CELF2: variants seen among roughly 807,000 people sequenced by gnomAD.
CELF2 encodes the protein CUG triplet repeat RNA-binding protein 2.
In CELF2, 8 loss-of-function variants were observed where a neutral mutation model predicts 62.6. The observed-to-expected ratio is 0.13, with a 90% CI of 0.07 to 0.23. The LOEUF is 0.23. CELF2 is among the 10% of genes least tolerant of loss of function. CELF2 has a pLI of 1.00. For synonymous variants in CELF2, 258 were observed against 250.0 expected (o/e 1.03, Z -0.30); for missense variants, 333 against 671.0 (o/e 0.50, Z 5.56).
At chr10:10,705,366 T>TAAA in the CELF2 span, among the ~76,000 whole-genome samples, 1,675 of 134,000 alleles carry the variant, frequency 0.013, 36 homozygotes, top group African/African-American at 0.028. Context: ...CCTTCCCTAT[T>TAAA]AAAAAAAAAA....
chr10:10,737,494 A>C, the CELF2 span, among the ~76,000 whole-genome samples: 1 of 152,050 alleles, frequency 6.6e-6, no homozygotes, highest in Non-Finnish European at 1.5e-5. Flanking sequence ...GGGAGTTATG[A>C]CTTTCCTCTC....
the CELF2 span, among the ~76,000 whole-genome samples, chr10:10,659,553 G>A: frequency 3.3e-5 from 5 of 152,172 alleles, no homozygotes; most frequent in Admixed American, 6.5e-5. Flanking sequence ...TCCATCTTGG[G>A]CATTGGTGAA....
chr10:10,634,554 A>C, the CELF2 span, among the ~76,000 whole-genome samples: 1 of 152,272 alleles, frequency 6.6e-6, no homozygotes, highest in East Asian at 1.9e-4. Context: ...TACAGTGCAA[A>C]TATTCCTTTG....
At chr10:10,764,395 T>A in the CELF2 span, among the ~76,000 whole-genome samples, 6 of 152,184 alleles carry the variant, frequency 3.9e-5, no homozygotes, top group Non-Finnish European at 8.8e-5. Flanking sequence ...CTAACCTGAG[T>A]TTCCACGTGC....
rs562051706 is a variant in CELF2 at position 10,987,303 on chromosome 10, G to A, written c.89+67304G>A. 2.1e-4 allele frequency among the ~76,000 whole-genome samples: 32 copies of A among 150,372 alleles called. No individual in the cohort carries two copies. The South Asian group carries it at 5.1e-3, about 24-fold the overall frequency. On this transcript the variant is annotated intron_variant, in intron 2 of 13. Coordinates refer to the CELF2 transcript ENST00000636488. ...CATTGCTCTAAAACCTCACTAATTCGGAACAGTTTTTTTCCTAAAATTGGA... is the reference window on the plus strand; with the variant it reads ...CATTGCTCTAAAACCTCACTAATTCAGAACAGTTTTTTTCCTAAAATTGGA...
At chr10:11,197,070 G>GGAAAGAAA (rs1268879099) in intron 2 of CELF2, among the ~76,000 whole-genome samples, 3 of 78,148 alleles carry the variant, frequency 3.8e-5, no homozygotes, top group African/African-American at 1.7e-4. Flanking sequence ...AAGAAAGAAA[G>GGAAAGAAA]GAAAGAAAGA....
chr10:10,477,909 C>G, the CELF2 span, among the ~76,000 whole-genome samples: 4 of 152,126 alleles, frequency 2.6e-5, no homozygotes, highest in East Asian at 7.7e-4. Flanking sequence ...AAATGGATCC[C>G]TCATATAATG....
At chr10:10,850,668 A>G (rs1412701485) in intron 1 of CELF2, among the ~76,000 whole-genome samples, 1 of 152,228 alleles carries the variant, frequency 6.6e-6, no homozygotes, top group East Asian at 1.9e-4. Context: ...TTTATTGATC[A>G]CACCTTACAT....
At chr10:11,071,501 G>C (rs1248743548) in intron 1 of CELF2, 1 of 152,180 alleles carries the variant, frequency 6.6e-6, no homozygotes, top group African/African-American at 2.4e-5. Flanking sequence ...TCGACACAAA[G>C]ATAACATCGC....
At chr10:10,468,041 A>G in the CELF2 span, among the ~76,000 whole-genome samples, 5 of 152,034 alleles carry the variant, frequency 3.3e-5, no homozygotes, top group Admixed American at 1.3e-4. Flanking sequence ...TGTCCTTTAA[A>G]TAATTTTTAG....
chr10:10,982,407 A>G (rs1332268010), intron 2 of CELF2, among the ~76,000 whole-genome samples: 1 of 152,248 alleles, frequency 6.6e-6, no homozygotes, highest in Non-Finnish European at 1.5e-5. Context: ...AACCGACAAA[A>G]GAAAACTAGC....
chr10:11,166,603 G>C (rs892362814), intron 2 of CELF2, among the ~76,000 whole-genome samples: 10 of 152,074 alleles, frequency 6.6e-5, no homozygotes, highest in Non-Finnish European at 1.2e-4. Flanking sequence ...CTCTACTGAG[G>C]AGTCCTCTCT....
chr10:10,504,531 A>C, the CELF2 span, among the ~76,000 whole-genome samples: 103,297 of 151,970 alleles, frequency 0.68, 36,556 homozygotes, highest in East Asian at 0.92. Flanking sequence ...GTGCCTTGGC[A>C]GAAATTTATT....
chr10:10,743,183 A>G, the CELF2 span, among the ~76,000 whole-genome samples: 1 of 152,184 alleles, frequency 6.6e-6, no homozygotes. Context: ...TTTTTATCCA[A>G]AAGAAAGTCC....
chr10:10,950,571 G>A (rs566633219), intron 2 of CELF2, among the ~76,000 whole-genome samples: 2 of 152,310 alleles, frequency 1.3e-5, no homozygotes, highest in South Asian at 4.2e-4. Context: ...GGGACATATA[G>A]AAGAATGGCA....
At chr10:10,919,656 T>C (rs2064697933) in intron 1 of CELF2, among the ~76,000 whole-genome samples, 1 of 152,258 alleles carries the variant, frequency 6.6e-6, no homozygotes, top group South Asian at 2.1e-4. Flanking sequence ...TTTGTTTCTC[T>C]TTCTATTATC....
chr10:10,977,211 G>A (rs562969638), intron 2 of CELF2, among the ~76,000 whole-genome samples: 2 of 152,344 alleles, frequency 1.3e-5, no homozygotes, highest in African/African-American at 4.8e-5. Context: ...TTTTGGAAAA[G>A]TGAGGGGAAC....
chr10:10,598,113 C>G, the CELF2 span, among the ~76,000 whole-genome samples: 1 of 151,948 alleles, frequency 6.6e-6, no homozygotes, highest in African/African-American at 2.4e-5. Flanking sequence ...AAATGGTGTC[C>G]AGAGAGAGTT....
At chr10:11,273,501 G>A (rs1012588153) in intron 7 of CELF2, among the ~76,000 whole-genome samples, 4 of 152,084 alleles carry the variant, frequency 2.6e-5, no homozygotes, top group Non-Finnish European at 5.9e-5. Flanking sequence ...TGTCTTCCAC[G>A]AAACTTCTTT....
Sources: allele counts gnomAD v4.1 joint callset (sites outside exome capture counted in the v4.1 genomes callset), GRCh38; gene constraint gnomAD v4.1.1; transcripts MANE v1.5; gene names NCBI Gene and HGNC (gene_info 2026-07-23, HGNC 2026-07-21).